The following ESR2 variants were observed in gnomAD, a reference collection of about 807,000 sequenced individuals.
ESR2 encodes estrogen receptor 2.
ESR2 carries 36 observed loss-of-function variants against 49.6 expected under a neutral mutation model. The ratio of observed to expected loss-of-function variants is 0.73; its 90% CI spans 0.56 to 0.96. The LOEUF (loss-of-function observed/expected upper bound fraction) is 0.96, where lower values mean the gene tolerates loss of function less well. Among genes scored for constraint, ESR2 ranks in the 40% least tolerant of loss-of-function variants. The pLI is 0.00. For synonymous variants in ESR2, 320 were observed against 266.1 expected, an observed-to-expected ratio of 1.20 and a Z score of -1.97; for missense variants, 714 against 693.0, an observed-to-expected ratio of 1.03 and a Z score of -0.34.
chr14:64,242,741 A>T (rs552760086), intron 7 of ESR2, among the ~76,000 whole-genome samples: 6 of 152,292 alleles, frequency 3.9e-5, no homozygotes, highest in South Asian at 4.1e-4. Flanking sequence ...TGAATTGGAA[A>T]ACATTCCATG....
chr14:64,332,872 TC>T (rs1157017815), intron 1 of ESR2, among the ~76,000 whole-genome samples: 1 of 138,724 alleles, frequency 7.2e-6, no homozygotes, highest in Non-Finnish European at 1.6e-5. Context: ...TAATCACAAA[TC>T]TTTTTTTTTT....
At position 64,242,271 on chromosome 14, in the gene ESR2, A is replaced by G. The variant is rs528049423; in HGVS notation, c.1226-7121T>C. Among the ~76,000 whole-genome samples, 5 of 152,176 alleles carry G rather than the reference A, an allele frequency of 3.3e-5. No individual in the cohort carries two copies. In the South Asian group the frequency reaches 1.0e-3, roughly 32 times the overall value. ...CTAAAAACACAAAAATTAGCTAGGC[A>G]TGGTGGCAGGCACCTATAATCCCAG... On this transcript the variant is annotated intron_variant, in intron 7 of 8. Transcript: ENST00000341099.
chr14:64,254,030 G>T (rs1236363644), intron 6 of ESR2, among the ~76,000 whole-genome samples: 1 of 152,094 alleles, frequency 6.6e-6, no homozygotes, highest in East Asian at 1.9e-4. Flanking sequence ...AAAACTAAAT[G>T]CTTAGAAATA....
At chr14:64,327,178 T>C (rs1002165592) in intron 1 of ESR2, among the ~76,000 whole-genome samples, 7 of 152,326 alleles carry the variant, frequency 4.6e-5, no homozygotes, top group African/African-American at 1.4e-4. Context: ...CTTGTGTCAA[T>C]AGACTGAAAG....
At chr14:64,284,607 C>A (rs1448120038) in intron 1 of ESR2, among the ~76,000 whole-genome samples, 2 of 152,116 alleles carry the variant, frequency 1.3e-5, no homozygotes, top group African/African-American at 2.4e-5. Context: ...CAGGCATGAG[C>A]TACCATGCCC....
intron 1 of ESR2, among the ~76,000 whole-genome samples, chr14:64,302,697 A>G (rs769437260): frequency 2.6e-5 from 4 of 152,218 alleles, no homozygotes; most frequent in Non-Finnish European, 5.9e-5. Flanking sequence ...GAGCAGATTT[A>G]TCATCCCCAC....
At chr14:64,302,512 C>A (rs1396805060) in intron 1 of ESR2, among the ~76,000 whole-genome samples, 1 of 151,886 alleles carries the variant, frequency 6.6e-6, no homozygotes, top group Non-Finnish European at 1.5e-5. Context: ...ATTTAAAATA[C>A]AGATTCCCAG....
intron 1 of ESR2, among the ~76,000 whole-genome samples, chr14:64,285,826 C>CAAAA (rs10559131): frequency 2.0e-5 from 2 of 100,778 alleles, no homozygotes; most frequent in African/African-American, 3.7e-5. Flanking sequence ...GACTCTGTCT[C>CAAAA]AAAAAAAAAA....
intron 1 of ESR2, among the ~76,000 whole-genome samples, chr14:64,325,422 C>T (rs568446086): frequency 1.6e-4 from 25 of 152,194 alleles, no homozygotes; most frequent in Non-Finnish European, 3.1e-4. Flanking sequence ...GCAGCATAGA[C>T]TGGATCTGGG....
rs2098725507 is a variant in ESR2, at chr14:64,229,759, A to C, written c.*3378T>G. 6.6e-6 allele frequency among the ~76,000 whole-genome samples: 1 copy of C among 152,230 alleles called. No homozygotes were observed. The highest frequency in any genetic ancestry group is 6.5e-5 in the Admixed American group (1 of 15,288). ...CACAACCAGAAAATAAGGAAATAGC[A>C]GTTATTATAATAAGGATTAAATGTG... On this transcript the variant is annotated 3_prime_UTR_variant, in exon 9 of 9. Coordinates refer to ENST00000341099, the MANE Select transcript of ESR2 (RefSeq NM_001437.3).
chr14:64,302,200 ATTTT>A (rs1555593284), intron 1 of ESR2, among the ~76,000 whole-genome samples: 1 of 146,788 alleles, frequency 6.8e-6, no homozygotes, highest in Non-Finnish European at 1.5e-5. Flanking sequence ...TTATTTATTT[ATTTT>A]TTGAGACAGT....
chr14:64,238,756 A>T (rs910083357), intron 7 of ESR2, among the ~76,000 whole-genome samples: 1 of 100,328 alleles, frequency 1.0e-5, no homozygotes, highest in Non-Finnish European at 1.8e-5. Flanking sequence ...AGTATAGTTT[A>T]AAAAAAAAAA....
At chr14:64,274,133 G>A (rs150050210) in intron 3 of ESR2, among the ~76,000 whole-genome samples, 142 of 150,226 alleles carry the variant, frequency 9.5e-4, no homozygotes, top group African/African-American at 3.3e-3. Flanking sequence ...TTTTTGTAGA[G>A]ATAGGGATCT....
chr14:64,314,770 C>T lies in ESR2; in HGVS notation c.-91+23128G>A, dbSNP rs190837859. On this transcript the variant is annotated intron_variant, in intron 1 of 8. Coordinates refer to the ESR2 transcript ENST00000358599. ...GTGCAAGCCTGTAGTTCCAGCTACT[C>T]GGGAGGCTGATGCAGGAGAATCACT... is the stretch of plus-strand genomic sequence containing the variant. Among the ~76,000 whole-genome samples, 19 of 143,832 alleles carry T rather than the reference C, an allele frequency of 1.3e-4. 1 individual carries two copies. The highest frequency in any genetic ancestry group is 4.1e-4 in the African/African-American group (16 of 38,798). 94.4% of individuals were successfully genotyped at this position (143,832 alleles called of 152,430 possible).
intron 1 of ESR2, among the ~76,000 whole-genome samples, chr14:64,327,091 G>A (rs1454634988): frequency 3.9e-5 from 6 of 152,130 alleles, no homozygotes; most frequent in Non-Finnish European, 8.8e-5. Context: ...TCATATGGGA[G>A]TGAATCTGTT....
intron 3 of ESR2, among the ~76,000 whole-genome samples, chr14:64,275,949 G>C (rs2076550249): frequency 6.6e-6 from 1 of 152,070 alleles, no homozygotes; most frequent in East Asian, 1.9e-4. Context: ...GATTTATTAA[G>C]TAAAATGATG....
In ESR2 at chr14:64,288,854, C is replaced by T. The variant is rs188407267; in HGVS notation, c.-91+5179G>A. ...ATACAAAATTAGCCGGGTGTGGCAG[C>T]GCTTGCCTGTAAACCCAGCTACTCA... On this transcript the variant is annotated intron_variant, in intron 1 of 8. Transcript: ENST00000341099. 5.4e-4 allele frequency among the ~76,000 whole-genome samples: 82 copies of T among 151,478 alleles called. No individual in the cohort carries two copies. The East Asian group carries it at 0.014, about 25-fold the overall frequency.
intron 3 of ESR2, among the ~76,000 whole-genome samples, chr14:64,272,736 T>C (rs1031460200): frequency 3.9e-5 from 6 of 152,238 alleles, no homozygotes; most frequent in African/African-American, 1.4e-4. Flanking sequence ...ATGTCTGTTT[T>C]AGGCTAGTAC....
At chr14:64,294,709 C>T (rs1437167236), upstream of ESR2, among the ~76,000 whole-genome samples, 2 of 152,242 alleles carry the variant, frequency 1.3e-5, no homozygotes, top group Non-Finnish European at 2.9e-5. Context: ...GCCCCTGACT[C>T]ACATAAGTGT....
Sources: gnomAD v4.1 joint callset for allele counts (sites outside exome capture counted in the v4.1 genomes callset) on GRCh38, gnomAD v4.1.1 for gene constraint, MANE v1.5 for transcripts, NCBI Gene and HGNC (gene_info 2026-07-23, HGNC 2026-07-21) for gene names.